Variants in LHX9 observed in about 807,000 individuals in gnomAD.
LHX9 encodes the protein LIM/homeobox protein Lhx9.
In LHX9, 9 loss-of-function variants were observed where a neutral mutation model predicts 36.5. The observed-to-expected ratio is 0.25, with a 90% CI of 0.15 to 0.43. The LOEUF (loss-of-function observed/expected upper bound fraction) is 0.43, where lower values mean the gene tolerates loss of function less well. LHX9 is among the 20% of genes least tolerant of loss of function. LHX9 has a pLI of 1.00. For synonymous variants in LHX9, 211 were observed against 212.1 expected, an observed-to-expected ratio of 0.99 and a Z score of 0.04; for missense variants, 464 against 526.4, an observed-to-expected ratio of 0.88 and a Z score of 1.16.
At chr1:197,928,133 T>A (rs12750987) in intron 4 of LHX9, among the ~76,000 whole-genome samples, 1 of 152,066 alleles carries the variant, frequency 6.6e-6, no homozygotes, top group African/African-American at 2.4e-5. Context: ...TTATGCTCAG[T>A]GCACGGACTT....
In LHX9 at chr1:197,917,960, G is replaced by T; in HGVS notation, c.137G>T (p.Arg46Leu). Residue 46 changes from arginine to leucine, a missense_variant, in exon 1 of 5, where the codon CGT (arginine) becomes CTT (leucine). By Grantham distance (102) the Arg-to-Leu change is moderately radical. Transcript: ENST00000367387. ...GAGCGCAGATCCAAGACTGAGGCCC[G>T]TCTGGCCAAAGGCGCCCAGCTCAAC... ...EMERRSKTEA[R>L]LAKGAQLNGR... 2 of 1,614,068 alleles carry T rather than the reference G, an allele frequency of 1.2e-6. No individual in the cohort carries two copies. Among genetic ancestry groups the T allele is most frequent in the Non-Finnish European group, 1.7e-6 (2 of 1,179,946 alleles).
chr1:197,915,431 C>T (rs1659717713), upstream of LHX9, among the ~76,000 whole-genome samples: 1 of 152,164 alleles, frequency 6.6e-6, no homozygotes, highest in Non-Finnish European at 1.5e-5. Context: ...TCCTCAGGGC[C>T]CTTCTTGTGT....
rs1371998611 is a variant in LHX9 at position 197,931,781 on chromosome 1, G to A, written c.*2522G>A. On this transcript the variant is annotated 3_prime_UTR_variant, in exon 5 of 5. Coordinates refer to ENST00000367387, the MANE Select transcript of LHX9 (RefSeq NM_020204.3). ...AGCATATAAAGTAATTGCATGGAAC[G>A]AAACCTTAAATATGATTAAGATTTC... 5 of 591,252 alleles carry A rather than the reference G, an allele frequency of 8.5e-6. No homozygotes were observed. The highest frequency in any genetic ancestry group is 2.8e-5 in the East Asian group (1 of 35,480). The allele number at this position is 591,252 out of a possible 1,614,324, so 36.6% of individuals were successfully genotyped here.
chr1:197,923,331 C>T (rs1027956437), intron 3 of LHX9, among the ~76,000 whole-genome samples: 2 of 152,230 alleles, frequency 1.3e-5, no homozygotes, highest in Non-Finnish European at 2.9e-5. Context: ...CTGGCCCCTG[C>T]TGTGCTGGGG....
chr1:197,926,928 T>C, intron 3 of LHX9, among the ~76,000 whole-genome samples: 1 of 152,386 alleles, frequency 6.6e-6, no homozygotes, highest in East Asian at 1.9e-4. Flanking sequence ...AATATTCTTA[T>C]GTTTACATAA....
At position 197,933,282 on chromosome 1, in the gene LHX9, C is replaced by T. The variant is rs539830806; in HGVS notation, c.*4023C>T. 3.9e-5 allele frequency: 6 copies of T among 151,914 alleles called. No homozygotes were observed. In the South Asian group the frequency reaches 1.2e-3, roughly 32 times the overall value. 9.4% of individuals were successfully genotyped at this position (151,914 alleles called of 1,614,324 possible). On this transcript the variant is annotated 3_prime_UTR_variant, in exon 5 of 5. Transcript: ENST00000367387. The stretch of plus-strand genomic sequence containing the variant: ...ATTAAATATTTCACTTACATGTATT[C>T]TCAGAATTTTGAATGTTTTCTTAAA...
rs1660309055 is a variant in LHX9, at chr1:197,930,788, T to G, written c.*1529T>G. 6.6e-6 allele frequency: 1 copy of G among 151,974 alleles called. No individual in the cohort carries two copies. Among genetic ancestry groups the G allele is most frequent in the South Asian group, 2.1e-4 (1 of 4,830 alleles). 9.4% of individuals were successfully genotyped at this position (151,974 alleles called of 1,614,324 possible). A position where few individuals can be genotyped will look rare whatever the true frequency, so the allele number is the denominator to read the frequency against. The stretch of plus-strand genomic sequence containing the variant: ...TAGCTTATTTTTTAAAAAAAGATGA[T>G]GGAAGATAAGTTAACACTGTAACAG... On this transcript the variant is annotated 3_prime_UTR_variant, in exon 5 of 5. Transcript: ENST00000367387.
chr1:197,927,699 C>T lies in LHX9; in HGVS notation c.842C>T (p.Thr281Ile), dbSNP rs1362971770. The T allele has an allele frequency of 6.2e-7, 1 of 1,614,074 alleles. No individual in the cohort carries two copies. The highest frequency in any genetic ancestry group is 8.5e-7 in the Non-Finnish European group (1 of 1,180,050). The change falls in exon 4 of 5, where the codon ACC (threonine) becomes ATC (isoleucine). Residue 281 changes from threonine to isoleucine, a missense_variant. Thr to Ile is a moderately conservative substitution (Grantham distance 89, BLOSUM62 -1). Transcript: ENST00000367387. ...TCTTTCAAGCATCACCAGCTCCGGA[C>T]CATGAAATCCTACTTTGCCATCAAC... ...RTSFKHHQLR[T>I]MKSYFAINHN...
upstream of LHX9, chr1:197,915,691 G>A (rs1265158052): frequency 6.6e-6 from 1 of 152,178 alleles, no homozygotes; most frequent in Non-Finnish European, 1.5e-5. Flanking sequence ...GAAAAAAGGA[G>A]GGGAAGCAGT....
At position 197,927,599 on chromosome 1, in the gene LHX9, G is replaced by A. The variant is rs1660182382; in HGVS notation, c.742G>A (p.Glu248Lys). Residue 248 changes from glutamate to lysine, a missense_variant, in exon 4 of 5, where the codon GAG becomes AAG. Coordinates refer to ENST00000367387, the MANE Select transcript of LHX9 (RefSeq NM_020204.3). Reference sequence around the variant, plus strand: ...CACTGTTACTGCAACAGGTTGTAATGAGAATGAGGCAGACCACTTGGACCG... The same window carrying A: ...CACTGTTACTGCAACAGGTTGTAATAAGAATGAGGCAGACCACTTGGACCG... ...DIVNYNSGCN[E>K]NEADHLDRDQ... 2.5e-6 allele frequency: 4 copies of A among 1,614,106 alleles called. No homozygotes were observed. The highest frequency in any genetic ancestry group is 3.4e-6 in the Non-Finnish European group (4 of 1,179,982).
At position 197,921,551 on chromosome 1, in the gene LHX9, G is replaced by T; in HGVS notation, c.625G>T (p.Gly209Cys). The T allele has an allele frequency of 6.2e-7, 1 of 1,613,606 alleles. No homozygotes were observed. The highest frequency in any genetic ancestry group is 8.5e-7 in the Non-Finnish European group (1 of 1,179,996). ...LSYTELAAKS[G>C]GLALPYFNGT... The stretch of plus-strand genomic sequence containing the variant: ...CTACACGGAGCTGGCGGCCAAGAGC[G>T]GCGGCCTGGCCCTGCCTTACTTCAA... The change falls in exon 3 of 5, where the codon GGC becomes TGC. Residue 209 changes from glycine to cysteine, a missense_variant. Physicochemically the swap from Gly to Cys is radical, Grantham distance 159 (BLOSUM62 -3). Around this residue, in one of 5 missense-constraint regions of LHX9, gnomAD observed 130 missense variants for 109.6 expected, o/e 1.19. Coordinates refer to ENST00000367387, the MANE Select transcript of LHX9 (RefSeq NM_020204.3). The surrounding 1 kb of genome is among the most constrained non-coding windows in gnomAD (Gnocchi z 4.6).
In LHX9 at chr1:197,932,046, G is replaced by C; in HGVS notation, c.*2787G>C. On this transcript the variant is annotated 3_prime_UTR_variant, in exon 5 of 5. Transcript: ENST00000367387. ...GAAGACAAAGACACTATTAGGTTAT[G>C]ATAATCATACATTAAAAAATTTATT... is the stretch of plus-strand genomic sequence containing the variant. 9.7e-7 allele frequency: 1 copy of C among 1,035,432 alleles called. No individual in the cohort carries two copies. Among genetic ancestry groups the C allele is most frequent in the Non-Finnish European group, 1.4e-6 (1 of 717,000 alleles). The allele number at this position is 1,035,432 out of a possible 1,614,324, so 64.1% of individuals were successfully genotyped here.
upstream of LHX9, chr1:197,916,680 T>A (rs547211767): frequency 8.8e-5 from 62 of 702,856 alleles, no homozygotes; most frequent in African/African-American, 1.0e-3. Context: ...CCCTGAGAAA[T>A]GCAGACGCTC....
In LHX9 at chr1:197,919,932, C is replaced by T. The variant is rs780061909; in HGVS notation, c.175-40C>T. On this transcript the variant is annotated intron_variant, in intron 1 of 4. Transcript: ENST00000367387. ...AGAACCCCGCGTCGTGCGGCTACAC[C>T]GCGCGCCCTCCTCAGCCTTGCGGTG... The T allele has an allele frequency of 2.5e-6, 4 of 1,602,452 alleles. No individual in the cohort carries two copies. In the African/African-American group the frequency reaches 4.0e-5, roughly 16 times the overall value.
rs1359324361 is a variant in LHX9, at chr1:197,933,341, T to A, written c.*4082T>A. The A allele has an allele frequency of 6.6e-6, 1 of 152,028 alleles. No homozygotes were observed. Among genetic ancestry groups the A allele is most frequent in the Non-Finnish European group, 1.5e-5 (1 of 67,978 alleles). The allele number at this position is 152,028 out of a possible 1,614,324, so 9.4% of individuals were successfully genotyped here. A position where few individuals can be genotyped will look rare whatever the true frequency, so the allele number is the denominator to read the frequency against. On this transcript the variant is annotated 3_prime_UTR_variant, in exon 5 of 5. Transcript: ENST00000367387. The stretch of plus-strand genomic sequence containing the variant: ...CTTCCTGAATAATAAAAAGAAAAAA[T>A]TTTAAAGAAGAGAGAGCAACTTACT...
chr1:197,926,319 G>C (rs1660140372), intron 3 of LHX9, among the ~76,000 whole-genome samples: 1 of 152,130 alleles, frequency 6.6e-6, no homozygotes, highest in South Asian at 2.1e-4. Flanking sequence ...GACATGATCA[G>C]GTTGGTTTTA....
rs1298720376 is a variant in LHX9, at chr1:197,934,828, G to A, written c.*5569G>A. 3.3e-5 allele frequency: 5 copies of A among 151,652 alleles called. No homozygotes were observed. The highest frequency in any genetic ancestry group is 7.4e-5 in the Non-Finnish European group (5 of 67,936). The allele number at this position is 151,652 out of a possible 1,614,324, so 9.4% of individuals were successfully genotyped here. On this transcript the variant is annotated 3_prime_UTR_variant, in exon 5 of 5. Transcript: ENST00000367387. Reference sequence around the variant, plus strand: ...TGATTTTAAACATTTTAATAATAGTGCTCTGCCCTCACAACAGTTTTTTTT... The same window carrying A: ...TGATTTTAAACATTTTAATAATAGTACTCTGCCCTCACAACAGTTTTTTTT...
intron 1 of LHX9, chr1:197,918,799 G>GT: frequency 2.3e-5 from 1 of 42,780 alleles, no homozygotes; most frequent in Non-Finnish European, 5.9e-5. Context: ...TTACTAACGG[G>GT]GGGGGGGGGG....
At position 197,931,726 on chromosome 1, in the gene LHX9, A is replaced by C. The variant is rs897818394; in HGVS notation, c.*2467A>C. 1 of 476,118 alleles carries C rather than the reference A, an allele frequency of 2.1e-6. No individual in the cohort carries two copies. The highest frequency in any genetic ancestry group is 3.5e-5 in the Admixed American group (1 of 28,438). The allele number at this position is 476,118 out of a possible 1,614,324, so 29.5% of individuals were successfully genotyped here. On this transcript the variant is annotated 3_prime_UTR_variant, in exon 5 of 5. Coordinates refer to ENST00000367387, the MANE Select transcript of LHX9 (RefSeq NM_020204.3). ...AAGTAATGCCCCACTGATTTGACTC[A>C]GTCCAATTTTTAGAATAAAAAGGCT...
Sources: allele counts gnomAD v4.1 joint callset (sites outside exome capture counted in the v4.1 genomes callset), GRCh38; gene constraint gnomAD v4.1.1; regional missense constraint gnomAD v4.1.1; non-coding constraint Gnocchi (gnomAD v3.1); transcripts MANE v1.5; gene names NCBI Gene and HGNC (gene_info 2026-07-23, HGNC 2026-07-21).